The following KCTD16 variants were observed in gnomAD, a reference collection of about 807,000 sequenced individuals.
KCTD16 encodes BTB/POZ domain-containing protein KCTD16.
Under a neutral mutation model 33.2 loss-of-function variants are expected in KCTD16, and 13 were observed. That is an observed-to-expected ratio of 0.39 (90% CI 0.25 to 0.62). The LOEUF is 0.62. Ranked by LOEUF, KCTD16 falls within the 20% of genes least tolerant of loss-of-function variation. KCTD16 has a pLI of 0.50. For missense variants in KCTD16, 441 were observed against 525.1 expected (o/e 0.84, Z 1.57); for synonymous variants, 197 against 195.3 (o/e 1.01, Z -0.07).
chr5:144,479,428 A>G lies in KCTD16; in HGVS notation c.*5314A>G, dbSNP rs751707166. 4 of 151,794 alleles carry G rather than the reference A, an allele frequency of 2.6e-5. No individual in the cohort carries two copies. The highest frequency in any genetic ancestry group is 4.4e-5 in the Non-Finnish European group (3 of 67,868). The allele number at this position is 151,794 out of a possible 1,614,324, so 9.4% of individuals were successfully genotyped here. Reference sequence around the variant, plus strand: ...AAAGAGTGAATTCAAAAGGGTTTCAATGATCCAATTGACCCTATTCATTTA... The same window carrying G: ...AAAGAGTGAATTCAAAAGGGTTTCAGTGATCCAATTGACCCTATTCATTTA... On this transcript the variant is annotated 3_prime_UTR_variant, in exon 4 of 4. Coordinates refer to ENST00000512467, the MANE Select transcript of KCTD16 (RefSeq NM_020768.4).
chr5:144,288,200 A>G (rs1053071531), intron 3 of KCTD16, among the ~76,000 whole-genome samples: 2 of 152,186 alleles, frequency 1.3e-5, no homozygotes, highest in African/African-American at 2.4e-5. Context: ...CTAGAGAAAG[A>G]ATCTGGGCTT....
intron 3 of KCTD16, among the ~76,000 whole-genome samples, chr5:144,216,666 A>G (rs1464326864): frequency 6.6e-6 from 1 of 152,120 alleles, no homozygotes; most frequent in African/African-American, 2.4e-5. Context: ...CAACATGGGG[A>G]AATTCCATCT....
chr5:144,289,709 A>G (rs569198843), intron 3 of KCTD16, among the ~76,000 whole-genome samples: 2 of 152,234 alleles, frequency 1.3e-5, no homozygotes, highest in South Asian at 2.1e-4. Flanking sequence ...TGAATAACCT[A>G]TCTATTTCAA....
intron 3 of KCTD16, among the ~76,000 whole-genome samples, chr5:144,351,004 C>CA (rs1751414877): frequency 6.6e-6 from 1 of 152,078 alleles, no homozygotes; most frequent in African/African-American, 2.4e-5. Context: ...CATTTTAACT[C>CA]AAAATCTAGG....
intron 3 of KCTD16, among the ~76,000 whole-genome samples, chr5:144,293,873 G>A (rs779590574): frequency 5.3e-5 from 8 of 152,092 alleles, no homozygotes; most frequent in South Asian, 2.1e-4. Flanking sequence ...AATTAAAACC[G>A]CAGGGGCTGG....
rs910838252 is a variant in KCTD16 at position 144,479,263 on chromosome 5, A to C, written c.*5149A>C. ...CGCCATTGAACTGCTAAATTTGTCC[A>C]ATTTGACTCAATCAGGACTATGAAG... On this transcript the variant is annotated 3_prime_UTR_variant, in exon 4 of 4. Transcript: ENST00000512467. The C allele has an allele frequency of 2.6e-5, 4 of 151,752 alleles. No homozygotes were observed. Among genetic ancestry groups the C allele is most frequent in the Non-Finnish European group, 5.9e-5 (4 of 67,866 alleles). The allele number at this position is 151,752 out of a possible 1,614,324, so 9.4% of individuals were successfully genotyped here. A position where few individuals can be genotyped will look rare whatever the true frequency, so the allele number is the denominator to read the frequency against.
At chr5:144,270,619 A>G (rs1755266605) in intron 3 of KCTD16, among the ~76,000 whole-genome samples, 1 of 145,540 alleles carries the variant, frequency 6.9e-6, no homozygotes, top group Non-Finnish European at 1.5e-5. Flanking sequence ...TAATTTTACA[A>G]GTAAAAGAAC....
At chr5:144,462,094 T>C (rs1171967855) in intron 3 of KCTD16, among the ~76,000 whole-genome samples, 1 of 152,180 alleles carries the variant, frequency 6.6e-6, no homozygotes, top group African/African-American at 2.4e-5. Flanking sequence ...TGGCATTTTT[T>C]AATTTTACCT....
At chr5:144,329,890 T>G (rs1278988195) in intron 3 of KCTD16, among the ~76,000 whole-genome samples, 1 of 152,154 alleles carries the variant, frequency 6.6e-6, no homozygotes, top group Non-Finnish European at 1.5e-5. Context: ...TGTAGAGGCA[T>G]TGAGTCATGA....
chr5:144,465,047 G>C (rs919074003), intron 3 of KCTD16, among the ~76,000 whole-genome samples: 1 of 152,124 alleles, frequency 6.6e-6, no homozygotes, highest in Admixed American at 6.6e-5. Flanking sequence ...CTAGAAGGTA[G>C]AGATTAAGCA....
intron 3 of KCTD16, among the ~76,000 whole-genome samples, chr5:144,277,667 A>T (rs1561551183): frequency 6.6e-6 from 1 of 152,226 alleles, no homozygotes; most frequent in Non-Finnish European, 1.5e-5. Context: ...AGATCTAGTT[A>T]TCTCCAACCT....
At chr5:144,433,292 C>T (rs1350917953) in intron 3 of KCTD16, among the ~76,000 whole-genome samples, 1 of 151,960 alleles carries the variant, frequency 6.6e-6, no homozygotes, top group Non-Finnish European at 1.5e-5. Flanking sequence ...TCAAGTGCAG[C>T]GATAAACTGC....
intron 3 of KCTD16, among the ~76,000 whole-genome samples, chr5:144,304,277 T>C (rs1312896618): frequency 1.3e-5 from 2 of 152,184 alleles, no homozygotes; most frequent in African/African-American, 4.8e-5. Context: ...GAAAGGACAG[T>C]GTGATCCTGA....
At chr5:144,250,967 T>C (rs1055062243) in intron 3 of KCTD16, among the ~76,000 whole-genome samples, 1 of 152,162 alleles carries the variant, frequency 6.6e-6, no homozygotes, top group African/African-American at 2.4e-5. Flanking sequence ...TGTTTTAAAA[T>C]GGTATTGTTA....
chr5:144,186,202 G>C (rs1752721176), intron 2 of KCTD16, among the ~76,000 whole-genome samples: 1 of 152,080 alleles, frequency 6.6e-6, no homozygotes, highest in Admixed American at 6.6e-5. Context: ...CTTGATGTTT[G>C]CTACCAGGAA....
intron 3 of KCTD16, among the ~76,000 whole-genome samples, chr5:144,207,995 CT>C (rs1580788265): frequency 6.6e-6 from 1 of 152,142 alleles, no homozygotes; most frequent in African/African-American, 2.4e-5. Flanking sequence ...TCATCAGGGG[CT>C]TTGAAAACAC....
At chr5:144,204,696 G>T (rs538833255) in intron 2 of KCTD16, among the ~76,000 whole-genome samples, 139 of 152,236 alleles carry the variant, frequency 9.1e-4, no homozygotes, top group African/African-American at 3.3e-3. Flanking sequence ...CTTTCTGTGG[G>T]TGCCGGTGCT....
At chr5:144,208,555 T>G (rs191145046) in intron 3 of KCTD16, among the ~76,000 whole-genome samples, 3 of 152,232 alleles carry the variant, frequency 2.0e-5, no homozygotes, top group Non-Finnish European at 4.4e-5. Flanking sequence ...ATGTTTCCAG[T>G]GTTAACATTT....
chr5:144,234,784 G>A (rs1467633174), intron 3 of KCTD16, among the ~76,000 whole-genome samples: 3 of 151,970 alleles, frequency 2.0e-5, no homozygotes, highest in Non-Finnish European at 4.4e-5. Context: ...CATGTATTAT[G>A]TTATAGGTTA....
Sources: gnomAD v4.1 joint callset for allele counts (sites outside exome capture counted in the v4.1 genomes callset) on GRCh38, gnomAD v4.1.1 for gene constraint, MANE v1.5 for transcripts, NCBI Gene and HGNC (gene_info 2026-07-23, HGNC 2026-07-21) for gene names.